The following PPFIA2 variants were observed in gnomAD, a reference collection of about 807,000 sequenced individuals.
The protein encoded by PPFIA2 is liprin-alpha-2.
Under a neutral mutation model 175.5 loss-of-function variants are expected in PPFIA2, and 46 were observed. That is an observed-to-expected ratio of 0.26 (90% CI 0.21 to 0.34). The LOEUF is 0.34. Ranked by LOEUF, PPFIA2 falls within the 10% of genes least tolerant of loss-of-function variation. PPFIA2 has a pLI of 1.00. For synonymous variants in PPFIA2, 568 were observed against 511.4 expected, an observed-to-expected ratio of 1.11 and a Z score of -1.49; for missense variants, 1,179 against 1,506.1, an observed-to-expected ratio of 0.78 and a Z score of 3.60.
rs34637122 is a variant in PPFIA2 at position 81,446,787 on chromosome 12, TA to T, written c.406-1068del. Among the ~76,000 whole-genome samples, 149 of 152,344 alleles carry T rather than the reference TA, an allele frequency of 9.8e-4. 1 individual carries two copies. The highest frequency in any genetic ancestry group is 9.7e-3 in the Admixed American group (149 of 15,302). On this transcript the variant is annotated intron_variant, in intron 5 of 32. Transcript: ENST00000549396. ...ATTTTTTTCTTTTCAAGATATTTTCTAAAAGTTTAACTGTAATGAAAAATTT... is the reference window on the plus strand; with the variant it reads ...ATTTTTTTCTTTTCAAGATATTTTCTAAAGTTTAACTGTAATGAAAAATTT...
chr12:81,657,522 A>G (rs1040275323), intron 4 of PPFIA2, among the ~76,000 whole-genome samples: 3 of 152,160 alleles, frequency 2.0e-5, no homozygotes, highest in South Asian at 2.1e-4. Flanking sequence ...GCAAGTATCA[A>G]CCCTAATCTA....
chr12:81,694,884 GC>G (rs543629954), intron 3 of PPFIA2, among the ~76,000 whole-genome samples: 275 of 152,250 alleles, frequency 1.8e-3, no homozygotes, highest in Middle Eastern at 6.8e-3. Context: ...GCACCAGTTT[GC>G]CCTGGATATG....
chr12:81,505,188 T>C (rs1567107250), intron 4 of PPFIA2, among the ~76,000 whole-genome samples: 1 of 151,032 alleles, frequency 6.6e-6, no homozygotes, highest in Non-Finnish European at 1.5e-5. Context: ...AAGAGAAACA[T>C]GCAGCAAACC....
chr12:81,299,690 A>G (rs1030570370), intron 22 of PPFIA2, among the ~76,000 whole-genome samples: 1 of 152,184 alleles, frequency 6.6e-6, no homozygotes, highest in Admixed American at 6.5e-5. Context: ...CTTTAATGAG[A>G]AAATGGCCCA....
intron 4 of PPFIA2, among the ~76,000 whole-genome samples, chr12:81,655,170 T>C (rs1385658836): frequency 6.6e-6 from 1 of 152,044 alleles, no homozygotes; most frequent in East Asian, 1.9e-4. Flanking sequence ...TGAGTTCTGC[T>C]ATTGTTTATC....
intron 4 of PPFIA2, among the ~76,000 whole-genome samples, chr12:81,671,815 C>A (rs1373811125): frequency 6.6e-6 from 1 of 151,866 alleles, no homozygotes; most frequent in Non-Finnish European, 1.5e-5. Flanking sequence ...CCATGGTCCC[C>A]CCATCACTTG....
chr12:81,259,963 CTAAT>C (rs1433781632), intron 32 of PPFIA2: 1 of 246,916 alleles, frequency 4.0e-6, no homozygotes, highest in African/African-American at 2.2e-5. Context: ...TTACAACTTG[CTAAT>C]TAATAAATTG....
At chr12:81,651,106 A>G (rs1596010579) in intron 4 of PPFIA2, among the ~76,000 whole-genome samples, 1 of 152,322 alleles carries the variant, frequency 6.6e-6, no homozygotes, top group East Asian at 1.9e-4. Context: ...TACTAATTTG[A>G]GGAATCTGGC....
chr12:81,455,023 G>A lies in PPFIA2; in HGVS notation c.405+2742C>T, dbSNP rs192626491. Among the ~76,000 whole-genome samples the A allele has an allele frequency of 2.8e-3, 425 of 152,028 alleles. 1 individual carries two copies. The highest frequency in any genetic ancestry group is 9.2e-3 in the African/African-American group (383 of 41,500). On this transcript the variant is annotated intron_variant, in intron 5 of 32. Coordinates refer to ENST00000549396, the MANE Select transcript of PPFIA2 (RefSeq NM_003625.5). ...GCCACCATGCCCAGCTATCACTTGCGCTTTAAATTTGCTCACAATCTGACA... is the reference window on the plus strand; with the variant it reads ...GCCACCATGCCCAGCTATCACTTGCACTTTAAATTTGCTCACAATCTGACA...
At chr12:81,357,816 CTCAG>C (rs141988501) in intron 16 of PPFIA2, among the ~76,000 whole-genome samples, 4,383 of 152,132 alleles carry the variant, frequency 0.029, 198 homozygotes, top group African/African-American at 0.099. Context: ...TTTTCTGAGC[CTCAG>C]TGTTTTTATG....
At position 81,754,265 on chromosome 12, in the gene PPFIA2, A is replaced by G. The variant is rs1053764761; in HGVS notation, c.-2-42T>C. On this transcript the variant is annotated intron_variant, in intron 2 of 32. Coordinates refer to ENST00000549396, the MANE Select transcript of PPFIA2 (RefSeq NM_003625.5). ...GGGAAGGAGTCTTAGTAAAGAAATG[A>G]TTTCCAATAATTTCATTTGGAGAGC... 3.9e-6 allele frequency: 6 copies of G among 1,537,410 alleles called. No individual in the cohort carries two copies. The African/African-American group carries it at 5.5e-5, about 14-fold the overall frequency.
At chr12:81,703,713 C>A (rs2076771510) in intron 3 of PPFIA2, among the ~76,000 whole-genome samples, 1 of 152,080 alleles carries the variant, frequency 6.6e-6, no homozygotes, top group South Asian at 2.1e-4. Flanking sequence ...TACACCTCAC[C>A]TCCACCTCAC....
intron 3 of PPFIA2, among the ~76,000 whole-genome samples, chr12:81,687,132 T>C (rs1225807807): frequency 6.6e-6 from 1 of 152,072 alleles, no homozygotes; most frequent in Non-Finnish European, 1.5e-5. Flanking sequence ...CCCAGAGTGA[T>C]GTATTTTAAA....
At chr12:81,510,148 A>G (rs567284451) in intron 4 of PPFIA2, among the ~76,000 whole-genome samples, 4 of 152,160 alleles carry the variant, frequency 2.6e-5, no homozygotes, top group Non-Finnish European at 5.9e-5. Flanking sequence ...TATTTATTAT[A>G]TATCAATATT....
intron 3 of PPFIA2, among the ~76,000 whole-genome samples, chr12:81,683,538 C>T (rs1221391143): frequency 1.3e-5 from 2 of 152,038 alleles, no homozygotes; most frequent in Non-Finnish European, 2.9e-5. Flanking sequence ...TTGCTATGCT[C>T]TGCCATGCCC....
chr12:81,341,412 T>C (rs1178648511), intron 19 of PPFIA2, among the ~76,000 whole-genome samples: 1 of 148,648 alleles, frequency 6.7e-6, no homozygotes, highest in Non-Finnish European at 1.5e-5. Context: ...CACATTAAAA[T>C]TAAAAAAAAA....
At chr12:81,719,806 TA>T (rs1320353245) in intron 3 of PPFIA2, among the ~76,000 whole-genome samples, 3 of 151,386 alleles carry the variant, frequency 2.0e-5, no homozygotes, top group African/African-American at 7.3e-5. Context: ...TCACTGACCT[TA>T]AAAAAGCAAC....
At chr12:81,487,126 GGA>G (rs2058916838) in intron 4 of PPFIA2, among the ~76,000 whole-genome samples, 1 of 151,822 alleles carries the variant, frequency 6.6e-6, no homozygotes, top group African/African-American at 2.4e-5. Flanking sequence ...TGGAGCATCT[GGA>G]ACCTCAATTT....
At chr12:81,310,709 G>A (rs1005517224) in intron 22 of PPFIA2, among the ~76,000 whole-genome samples, 4 of 152,056 alleles carry the variant, frequency 2.6e-5, no homozygotes, top group Non-Finnish European at 4.4e-5. Context: ...CATGGTTGAC[G>A]AGTACTCTAA....
Sources: gnomAD v4.1 joint callset for allele counts (sites outside exome capture counted in the v4.1 genomes callset) on GRCh38, gnomAD v4.1.1 for gene constraint, MANE v1.5 for transcripts, NCBI Gene and HGNC (gene_info 2026-07-23, HGNC 2026-07-21) for gene names.